PHACTR1: variants seen among roughly 807,000 people sequenced by gnomAD.
PHACTR1 encodes the protein phosphatase and actin regulator 1, also known as RPEL repeat containing 1.
PHACTR1 carries 16 observed loss-of-function variants against 69.2 expected under a neutral mutation model. The observed-to-expected ratio is 0.23, with a 90% CI of 0.16 to 0.35. The LOEUF (loss-of-function observed/expected upper bound fraction) is 0.35, where lower values mean the gene tolerates loss of function less well. Ranked by LOEUF, PHACTR1 falls within the 10% of genes least tolerant of loss-of-function variation. The pLI is 1.00. For synonymous variants in PHACTR1, 312 were observed against 284.5 expected, an observed-to-expected ratio of 1.10 and a Z score of -0.97; for missense variants, 510 against 734.7, an observed-to-expected ratio of 0.69 and a Z score of 3.54.
chr6:13,146,531 G>C (rs1465608528), intron 5 of PHACTR1, among the ~76,000 whole-genome samples: 1 of 152,150 alleles, frequency 6.6e-6, no homozygotes, highest in Non-Finnish European at 1.5e-5. Flanking sequence ...ATTGCAGCAG[G>C]GTTGATCCAA....
chr6:12,978,960 G>A (rs562557030), intron 4 of PHACTR1, among the ~76,000 whole-genome samples: 3 of 152,304 alleles, frequency 2.0e-5, no homozygotes, highest in African/African-American at 7.2e-5. Flanking sequence ...TTTGCAGCAG[G>A]AATAAGAAAG....
In PHACTR1 at chr6:12,966,434, C is replaced by G. The variant is rs560969528; in HGVS notation, c.251-86931C>G. 2.6e-5 allele frequency among the ~76,000 whole-genome samples: 4 copies of G among 152,290 alleles called. No homozygotes were observed. The East Asian group carries it at 7.7e-4, about 29-fold the overall frequency. ...TAAAGCACAGAACAGGGAATGCAAACCCAGGCAAGGGGACCCTGGCTGGTT... is the reference window on the plus strand; with the variant it reads ...TAAAGCACAGAACAGGGAATGCAAAGCCAGGCAAGGGGACCCTGGCTGGTT... On this transcript the variant is annotated intron_variant, in intron 4 of 14. Coordinates refer to ENST00000332995, the MANE Select transcript of PHACTR1 (RefSeq NM_030948.6).
intron 3 of PHACTR1, among the ~76,000 whole-genome samples, chr6:12,737,508 T>C (rs1015949253): frequency 6.6e-6 from 1 of 152,156 alleles, no homozygotes; most frequent in Non-Finnish European, 1.5e-5. Context: ...ATTTTATATA[T>C]GGCTTTATAT....
Position 13,227,835 on chromosome 6 carries a change from T to A in PHACTR1, c.1006T>A (p.Cys336Ser). The A allele has an allele frequency of 6.2e-7, 1 of 1,614,012 alleles. No homozygotes were observed. Among genetic ancestry groups the A allele is most frequent in the Middle Eastern group, 1.6e-4 (1 of 6,062 alleles). The change falls in exon 9 of 15, where the codon TGT becomes AGT. Residue 336 changes from cysteine to serine, a missense_variant. This residue lies in a region of PHACTR1 where 419 missense variants were observed against 530.9 expected (regional missense o/e 0.79). Coordinates refer to ENST00000332995, the MANE Select transcript of PHACTR1 (RefSeq NM_030948.6). ...AAACAGCTCTGAGCAGCGGGTCCCC[T>A]GTTCCACTTCTTACCACAGCTCTGG... ...RLESSEQRVP[C>S]STSYHSSGLH...
intron 5 of PHACTR1, among the ~76,000 whole-genome samples, chr6:13,056,801 A>T (rs1265513415): frequency 6.6e-6 from 1 of 152,230 alleles, no homozygotes; most frequent in Non-Finnish European, 1.5e-5. Flanking sequence ...ATTCTTGCTG[A>T]AGACAGGCCA....
intron 4 of PHACTR1, among the ~76,000 whole-genome samples, chr6:12,936,629 G>A (rs1263377135): frequency 6.6e-6 from 1 of 152,186 alleles, no homozygotes; most frequent in East Asian, 1.9e-4. Flanking sequence ...TATTGTTTTG[G>A]TGCATTAATG....
intron 5 of PHACTR1, among the ~76,000 whole-genome samples, chr6:13,099,797 A>G (rs919461653): frequency 1.3e-5 from 2 of 152,258 alleles, no homozygotes; most frequent in African/African-American, 4.8e-5. Context: ...AAGATTGTTT[A>G]TAGTTTGTTT....
At chr6:13,013,865 G>A (rs970959962) in intron 4 of PHACTR1, among the ~76,000 whole-genome samples, 101 of 148,910 alleles carry the variant, frequency 6.8e-4, no homozygotes, top group African/African-American at 2.4e-3. Flanking sequence ...GCAGCGCCCG[G>A]CCCCGGGCGC....
intron 10 of PHACTR1, among the ~76,000 whole-genome samples, chr6:13,257,607 A>G (rs912671719): frequency 1.3e-5 from 2 of 152,220 alleles, no homozygotes; most frequent in African/African-American, 4.8e-5. Context: ...CTTCCACAGG[A>G]TAGAACACAA....
chr6:13,241,655 T>C (rs544543021), intron 10 of PHACTR1, among the ~76,000 whole-genome samples: 1 of 152,240 alleles, frequency 6.6e-6, no homozygotes, highest in Admixed American at 6.5e-5. Flanking sequence ...CTTTCAACTG[T>C]AGTAGATAAT....
intron 4 of PHACTR1, among the ~76,000 whole-genome samples, chr6:12,899,505 G>C (rs1338620339): frequency 6.6e-6 from 1 of 152,076 alleles, no homozygotes; most frequent in African/African-American, 2.4e-5. Context: ...TAATTAAAAG[G>C]GTGTGCCTTG....
intron 13 of PHACTR1, among the ~76,000 whole-genome samples, chr6:13,284,378 G>A (rs550809840): frequency 6.6e-6 from 1 of 151,514 alleles, no homozygotes; most frequent in Non-Finnish European, 1.5e-5. Context: ...TTAGCCGGGC[G>A]TGATGGCACA....
chr6:13,249,889 A>T (rs1184696904), intron 10 of PHACTR1, among the ~76,000 whole-genome samples: 1 of 151,754 alleles, frequency 6.6e-6, no homozygotes, highest in Non-Finnish European at 1.5e-5. Flanking sequence ...CTTGTAAGTT[A>T]TGACCATTTA....
rs149528531 is a variant in PHACTR1, at chr6:12,994,164, C to T, written c.251-59201C>T. Among the ~76,000 whole-genome samples the T allele has an allele frequency of 5.3e-3, 808 of 151,980 alleles. 9 individuals carry two copies. The highest frequency in any genetic ancestry group is 9.5e-3 in the Non-Finnish European group (643 of 67,954). ...TAATTAAATAGCACAGTGGACACAG[C>T]CAAAGATAGAATTAATAAACTGGAA... is the stretch of plus-strand genomic sequence containing the variant. On this transcript the variant is annotated intron_variant, in intron 4 of 14. Coordinates refer to ENST00000332995, the MANE Select transcript of PHACTR1 (RefSeq NM_030948.6).
chr6:12,740,845 T>C (rs1731660160), intron 3 of PHACTR1, among the ~76,000 whole-genome samples: 1 of 152,092 alleles, frequency 6.6e-6, no homozygotes, highest in Admixed American at 6.5e-5. Context: ...TTAGGATCCA[T>C]AGTGATAACT....
intron 4 of PHACTR1, among the ~76,000 whole-genome samples, chr6:12,929,216 A>G (rs1788610062): frequency 6.6e-6 from 1 of 152,148 alleles, no homozygotes; most frequent in South Asian, 2.1e-4. Flanking sequence ...TGTGCTTCAG[A>G]GTTTCCCCAC....
chr6:13,134,685 A>G (rs2127978357), intron 5 of PHACTR1, among the ~76,000 whole-genome samples: 1 of 151,590 alleles, frequency 6.6e-6, no homozygotes, highest in African/African-American at 2.4e-5. Context: ...GCATAGGAAA[A>G]CCAGAGACCC....
intron 4 of PHACTR1, among the ~76,000 whole-genome samples, chr6:12,779,464 GTTAA>G (rs10558700): frequency 0.37 from 55,538 of 151,758 alleles, 10,861 homozygotes; most frequent in African/African-American, 0.49. Flanking sequence ...ATTTACTTCT[GTTAA>G]TTAAAGCAAA....
intron 11 of PHACTR1, 74 bp downstream of exon 11, chr6:13,272,989 G>A (rs1372497727): frequency 1.3e-6 from 2 of 1,582,466 alleles, no homozygotes; most frequent in East Asian, 4.5e-5. Flanking sequence ...TAGGCCACAA[G>A]GTTTCTACCT....
Sources: allele counts gnomAD v4.1 joint callset (sites outside exome capture counted in the v4.1 genomes callset), GRCh38; gene constraint gnomAD v4.1.1; regional missense constraint gnomAD v4.1.1; transcripts MANE v1.5; gene names NCBI Gene and HGNC (gene_info 2026-07-23, HGNC 2026-07-21).